POLN: variants seen among roughly 807,000 people sequenced by gnomAD.
POLN encodes the protein DNA polymerase nu, also known as DNA polymerase N.
POLN carries 108 observed loss-of-function variants against 113.5 expected under a neutral mutation model. The observed-to-expected ratio is 0.95, with a 90% CI of 0.81 to 1.12. The LOEUF is 1.12. Among genes scored for constraint, POLN ranks in the 50% most tolerant of loss-of-function variants. POLN has a pLI of 0.00. For synonymous variants in POLN, 386 were observed against 391.5 expected (o/e 0.99, Z 0.17); for missense variants, 1,097 against 1,077.1 (o/e 1.02, Z -0.26).
intron 7 of POLN, among the ~76,000 whole-genome samples, chr4:2,189,411 G>A (rs1266882912): frequency 4.0e-5 from 6 of 151,826 alleles, no homozygotes; most frequent in East Asian, 3.9e-4. Context: ...AGGCTGAGGT[G>A]GGTGGATCAC....
In POLN at chr4:2,223,507, C is replaced by A. The variant is rs150866867; in HGVS notation, c.133+5592G>T. Among the ~76,000 whole-genome samples the A allele has an allele frequency of 1.7e-4, 26 of 152,312 alleles. No homozygotes were observed. The East Asian group carries it at 4.8e-3, about 28-fold the overall frequency. On this transcript the variant is annotated intron_variant, in intron 3 of 25. Transcript: ENST00000511885. ...AACAGTTTCATCCCAAAAGCATCCACCCGACCCCCATCCCGTGGAAAAATT... is the reference window on the plus strand; with the variant it reads ...AACAGTTTCATCCCAAAAGCATCCAACCGACCCCCATCCCGTGGAAAAATT...
At chr4:2,124,092 C>G (rs1273308840) in intron 19 of POLN, among the ~76,000 whole-genome samples, 1 of 152,032 alleles carries the variant, frequency 6.6e-6, no homozygotes, top group African/African-American at 2.4e-5. Flanking sequence ...AAGCCAGATA[C>G]AAAAGGTTCC....
chr4:2,141,977 T>G (rs891608647), intron 16 of POLN, among the ~76,000 whole-genome samples: 3 of 152,152 alleles, frequency 2.0e-5, no homozygotes, highest in South Asian at 4.2e-4. Context: ...GCTCAGCTCT[T>G]GGTTCTGCTC....
intron 19 of POLN, among the ~76,000 whole-genome samples, chr4:2,100,966 G>C (rs1173342974): frequency 6.6e-6 from 1 of 152,182 alleles, no homozygotes; most frequent in Non-Finnish European, 1.5e-5. Flanking sequence ...GAGTAGAACA[G>C]AGAGCCCAGT....
At position 2,129,175 on chromosome 4, in the gene POLN, G is replaced by A. The variant is rs761291764; in HGVS notation, c.1867+4C>T. 1.3e-5 allele frequency: 20 copies of A among 1,567,476 alleles called. 1 individual carries two copies. The highest frequency in any genetic ancestry group is 1.1e-4 in the South Asian group (10 of 90,128). On this transcript the variant is annotated splice_donor_region_variant and intron_variant, in intron 18 of 25. Transcript: ENST00000511885. ...AATGCATAAAGCAAGCTACAGCAAC[G>A]TACCTGCTGCTAGAAAGGTGTGGCC...
chr4:2,090,577 T>A, intron 20 of POLN: 1 of 462,600 alleles, frequency 2.2e-6, no homozygotes, highest in South Asian at 2.5e-5. Context: ...TTCAAGATCT[T>A]CATCGCAGTC....
At position 2,222,396 on chromosome 4, in the gene POLN, C is replaced by A. The variant is rs922521137; in HGVS notation, c.133+6703G>T. 9.2e-4 allele frequency among the ~76,000 whole-genome samples: 136 copies of A among 147,836 alleles called. No individual in the cohort carries two copies. The East Asian group carries it at 0.011, about 12-fold the overall frequency. On this transcript the variant is annotated intron_variant, in intron 3 of 25. Coordinates refer to ENST00000511885, the MANE Select transcript of POLN (RefSeq NM_181808.4). ...CATGTGTACTTAAAAAACAAACAAACAAAAAAAAAACTAGCCGGGCATGCA... is the reference window on the plus strand; with the variant it reads ...CATGTGTACTTAAAAAACAAACAAAAAAAAAAAAAACTAGCCGGGCATGCA...
intron 2 of POLN, among the ~76,000 whole-genome samples, chr4:2,235,841 G>A (rs1734743738): frequency 6.6e-6 from 1 of 152,116 alleles, no homozygotes; most frequent in Admixed American, 6.5e-5. Context: ...ACTCTTTGAG[G>A]ATGAGAGAGG....
intron 5 of POLN, among the ~76,000 whole-genome samples, chr4:2,202,723 CAAAA>C (rs34712930): frequency 5.4e-5 from 2 of 36,848 alleles, no homozygotes; most frequent in African/African-American, 1.0e-4. Flanking sequence ...GACTCTGTCT[CAAAA>C]AAAAAAAAAA....
intron 8 of POLN, among the ~76,000 whole-genome samples, chr4:2,178,834 A>G (rs1403499145): frequency 2.0e-5 from 3 of 151,158 alleles, no homozygotes; most frequent in Non-Finnish European, 4.4e-5. Flanking sequence ...TTGGTCTTGA[A>G]CTCCTGGCCT....
intron 3 of POLN, among the ~76,000 whole-genome samples, chr4:2,221,003 A>ACG (rs1734239175): frequency 1.3e-5 from 2 of 152,272 alleles, no homozygotes; most frequent in African/African-American, 4.8e-5. Context: ...TTACATAATG[A>ACG]CGGAGCATGT....
intron 19 of POLN, among the ~76,000 whole-genome samples, chr4:2,113,428 C>A (rs1053168038): frequency 3.9e-5 from 6 of 151,942 alleles, no homozygotes; most frequent in African/African-American, 1.5e-4. Context: ...ATCTTTAAGT[C>A]ATCACAATCT....
chr4:2,152,250 C>T (rs916785444), intron 16 of POLN, among the ~76,000 whole-genome samples: 4 of 151,530 alleles, frequency 2.6e-5, no homozygotes, highest in Admixed American at 2.0e-4. Flanking sequence ...GTTGTCCAGC[C>T]TGGTCTCGAA....
At chr4:2,223,862 G>A (rs1734321584) in intron 3 of POLN, among the ~76,000 whole-genome samples, 1 of 152,196 alleles carries the variant, frequency 6.6e-6, no homozygotes, top group African/African-American at 2.4e-5. Flanking sequence ...GTGAATCAGT[G>A]AGTGGGGAGT....
Position 2,072,281 on chromosome 4 carries a change from G to A in POLN, c.2536C>T (p.Leu846=). ...TGTCCCCATGAGCGGCCGGCACTCAGGCTCACCTTGAGGGGTACCTGCAGG... is the reference window on the plus strand; with the variant it reads ...TGTCCCCATGAGCGGCCGGCACTCAAGCTCACCTTGAGGGGTACCTGCAGG... ...LQLQVPLKVS[L]SAGRSWGHLV... is the part of the protein sequence containing the mutation. The change falls in exon 26 of 26, where the codon CTG becomes TTG. Residue 846 remains leucine, a synonymous_variant. Transcript: ENST00000511885. The A allele has an allele frequency of 1.3e-6, 2 of 1,586,482 alleles. No homozygotes were observed. The highest frequency in any genetic ancestry group is 1.7e-6 in the Non-Finnish European group (2 of 1,166,800).
intron 20 of POLN, among the ~76,000 whole-genome samples, chr4:2,091,305 T>A (rs764496062): frequency 2.0e-5 from 3 of 152,062 alleles, no homozygotes; most frequent in Non-Finnish European, 4.4e-5. Context: ...GCTGTCGGGA[T>A]CTCTGAAGGG....
intron 5 of POLN, among the ~76,000 whole-genome samples, chr4:2,199,449 G>C (rs1733658559): frequency 6.6e-6 from 1 of 152,088 alleles, no homozygotes; most frequent in Non-Finnish European, 1.5e-5. Context: ...AACATCATTT[G>C]CTTAAAACCA....
At chr4:2,204,506 G>C (rs1159057056) in intron 5 of POLN, among the ~76,000 whole-genome samples, 3 of 152,134 alleles carry the variant, frequency 2.0e-5, no homozygotes, top group African/African-American at 4.8e-5. Flanking sequence ...AATTCTATCA[G>C]ACATTCAAAG....
chr4:2,111,923 G>A (rs1222217576), intron 19 of POLN, among the ~76,000 whole-genome samples: 1 of 152,176 alleles, frequency 6.6e-6, no homozygotes, highest in Admixed American at 6.5e-5. Context: ...AGCCCGCATT[G>A]CCAAGTCAAT....
Sources: allele counts gnomAD v4.1 joint callset (sites outside exome capture counted in the v4.1 genomes callset), GRCh38; gene constraint gnomAD v4.1.1; transcripts MANE v1.5; gene names NCBI Gene and HGNC (gene_info 2026-07-23, HGNC 2026-07-21).